The following PCDH19 variants were observed in gnomAD, a reference collection of about 807,000 sequenced individuals.
The protein encoded by PCDH19 is protocadherin 19.
Under a neutral mutation model 46.2 loss-of-function variants are expected in PCDH19, and 6 were observed. The observed-to-expected ratio is 0.13, with a 90% CI of 0.07 to 0.26. PCDH19 has a LOEUF of 0.26. Ranked by LOEUF, PCDH19 falls within the 10% of genes least tolerant of loss-of-function variation. The probability of loss-of-function intolerance (pLI) is 1.00; values close to 1 mark genes in which losing one functional copy is unlikely to be tolerated. For synonymous variants in PCDH19, 481 were observed against 415.7 expected (o/e 1.16, Z -1.91); for missense variants, 740 against 972.3 (o/e 0.76, Z 3.18).
Position 100,296,286 on chromosome X carries a change from G to A in PCDH19, c.3438C>T (p.Ile1146=). Reference sequence around the variant, plus strand: ...CTTCCTGGAGACTGGTTTAGAGAACGATATCCTTCAGACGCTTCACACCAG... The same window carrying A: ...CTTCCTGGAGACTGGTTTAGAGAACAATATCCTTCAGACGCTTCACACCAG... ...ESPGVKRLKD[I]VL The change falls in exon 6 of 6, where the codon ATC becomes ATT. Residue 1146 remains isoleucine (I), a synonymous_variant. Coordinates refer to ENST00000373034, the MANE Select transcript of PCDH19 (RefSeq NM_001184880.2). The A allele has an allele frequency of 4.1e-6, 5 of 1,204,866 alleles. No individual in the cohort carries two copies. Among genetic ancestry groups the A allele is most frequent in the Non-Finnish European group, 5.6e-6 (5 of 889,151 alleles).
intron 4 of PCDH19, among the ~76,000 whole-genome samples, chrX:100,343,736 T>C (rs1237538269): frequency 9.0e-6 from 1 of 111,594 alleles, no homozygotes; most frequent in Non-Finnish European, 1.9e-5. Flanking sequence ...AAAGGCACAC[T>C]CAAGAAAATG....
At chrX:100,312,601 G>T (rs985993431) in intron 5 of PCDH19, among the ~76,000 whole-genome samples, 3 of 111,746 alleles carry the variant, frequency 2.7e-5, no homozygotes, top group African/African-American at 9.8e-5. Context: ...CAGAAGAAAG[G>T]CTAATTGATC....
At chrX:100,400,434 CAG>C (rs1928144839) in intron 3 of PCDH19, among the ~76,000 whole-genome samples, 3 of 112,014 alleles carry the variant, frequency 2.7e-5, no homozygotes, top group Admixed American at 1.9e-4. Flanking sequence ...GATAAAGAAA[CAG>C]AGTCTTATGT....
At chrX:100,400,831 A>G (rs1168430433) in intron 3 of PCDH19, among the ~76,000 whole-genome samples, 1 of 112,057 alleles carries the variant, frequency 8.9e-6, no homozygotes, top group African/African-American at 3.2e-5. Flanking sequence ...TACAAAATTG[A>G]CACAAATACT....
At chrX:100,311,128 G>C (rs1349357418) in intron 5 of PCDH19, among the ~76,000 whole-genome samples, 1 of 111,076 alleles carries the variant, frequency 9.0e-6, no homozygotes, top group Non-Finnish European at 1.9e-5. Context: ...TTACAGGAGA[G>C]AGCTACCGCG....
intron 3 of PCDH19, among the ~76,000 whole-genome samples, chrX:100,384,943 G>C (rs931424850): frequency 1.8e-5 from 2 of 110,940 alleles, no homozygotes; most frequent in African/African-American, 3.3e-5. Context: ...CAGGTTACCT[G>C]AGGTCAGGAG....
At chrX:100,322,351 T>C (rs183662316) in intron 5 of PCDH19, among the ~76,000 whole-genome samples, 114 of 111,076 alleles carry the variant, frequency 1.0e-3, no homozygotes, top group Admixed American at 3.7e-3. Context: ...ATGTTTTTGT[T>C]TGCTTTGTTG....
rs1928353535 is a variant in PCDH19 at position 100,406,577 on chromosome X, G to C, written c.2021C>G (p.Ser674Cys). Residue 674 changes from serine to cysteine, a missense_variant, in exon 1 of 6, where the codon TCT becomes TGT. Transcript: ENST00000373034. ...AATGAAAATCAAGGACAAGTTCACA[G>C]AGCCCATTGACTCTTGGGCATCGAG... ...PALDAQESMGSVNLSLIFIIA... is the reference protein window; with the variant it reads ...PALDAQESMGCVNLSLIFIIA... 8.3e-7 allele frequency: 1 copy of C among 1,207,802 alleles called. No individual in the cohort carries two copies. Among genetic ancestry groups the C allele is most frequent in the African/African-American group, 1.8e-5 (1 of 57,029 alleles).
intron 5 of PCDH19, among the ~76,000 whole-genome samples, chrX:100,333,920 G>C (rs1247288495): frequency 9.2e-6 from 1 of 108,704 alleles, no homozygotes; most frequent in Non-Finnish European, 1.9e-5. Context: ...CTCCCGAGTA[G>C]CTGGACTTAC....
intron 5 of PCDH19, among the ~76,000 whole-genome samples, chrX:100,333,177 GAGAGAGA>G (rs1925953229): frequency 5.3e-5 from 3 of 56,821 alleles, no homozygotes; most frequent in African/African-American, 1.4e-4. Flanking sequence ...AAGGAAGGGA[GAGAGAGA>G]GAAAGAAAGA....
chrX:100,316,951 G>T (rs1418845334), intron 5 of PCDH19, among the ~76,000 whole-genome samples: 1 of 111,451 alleles, frequency 9.0e-6, no homozygotes, highest in Non-Finnish European at 1.9e-5. Context: ...TAATATTTGG[G>T]GCTGCCCTAC....
At chrX:100,333,185 GAAA>G (rs1925960860) in intron 5 of PCDH19, among the ~76,000 whole-genome samples, 11 of 63,459 alleles carry the variant, frequency 1.7e-4, no homozygotes, top group African/African-American at 7.2e-4. Flanking sequence ...GAGAGAGAGA[GAAA>G]GAAAGAAAGA....
At chrX:100,398,013 TACAC>T in intron 3 of PCDH19, among the ~76,000 whole-genome samples, 1 of 104,444 alleles carries the variant, frequency 9.6e-6, no homozygotes, top group South Asian at 4.4e-4. Context: ...CACACACACA[TACAC>T]ACACACATAC....
At chrX:100,305,050 T>C (rs1355373152) in intron 5 of PCDH19, among the ~76,000 whole-genome samples, 1 of 111,572 alleles carries the variant, frequency 9.0e-6, no homozygotes, top group Non-Finnish European at 1.9e-5. Flanking sequence ...GATCTAGACA[T>C]CCAAATACAA....
chrX:100,408,691 T>C lies in PCDH19; in HGVS notation c.-94A>G, dbSNP rs1456293432. ...GCTTCCCGCCGGCTCGGGCCGCCTG[T>C]TGCGCGCGCCCCGTGGCCCCGGAGG... On this transcript the variant is annotated 5_prime_UTR_variant, in exon 1 of 6. Transcript: ENST00000373034. The C allele has an allele frequency of 4.9e-6, 4 of 809,252 alleles. No individual in the cohort carries two copies. Among genetic ancestry groups the C allele is most frequent in the African/African-American group, 2.0e-5 (1 of 48,860 alleles). 66.7% of individuals were successfully genotyped at this position (809,252 alleles called of 1,213,427 possible).
chrX:100,395,461 T>C (rs1928002527), intron 3 of PCDH19, among the ~76,000 whole-genome samples: 1 of 112,697 alleles, frequency 8.9e-6, no homozygotes, highest in Non-Finnish European at 1.9e-5. Context: ...TTTTTCATTA[T>C]GTGACAGAAA....
intron 5 of PCDH19, among the ~76,000 whole-genome samples, chrX:100,310,044 G>A (rs1340632439): frequency 1.8e-5 from 2 of 112,047 alleles, no homozygotes; most frequent in Non-Finnish European, 3.8e-5. Flanking sequence ...AACTCCCAGT[G>A]CAACATGAAA....
intron 5 of PCDH19, among the ~76,000 whole-genome samples, chrX:100,323,164 G>C (rs886534045): frequency 1.8e-5 from 2 of 110,028 alleles, no homozygotes; most frequent in Non-Finnish European, 3.8e-5. Context: ...CACACTGAGA[G>C]GTCAATATCT....
chrX:100,302,957 G>C (rs991207087), intron 5 of PCDH19, among the ~76,000 whole-genome samples: 10 of 111,634 alleles, frequency 9.0e-5, no homozygotes, highest in African/African-American at 2.9e-4. Flanking sequence ...AACTCCTAAA[G>C]TGGAAATAAC....
Sources: allele counts gnomAD v4.1 joint callset (sites outside exome capture counted in the v4.1 genomes callset), GRCh38; gene constraint gnomAD v4.1.1; transcripts MANE v1.5; gene names NCBI Gene and HGNC (gene_info 2026-07-23, HGNC 2026-07-21).